ADGRB3: variants seen among roughly 807,000 people sequenced by gnomAD.
The protein encoded by ADGRB3 is adhesion G protein-coupled receptor B3.
ADGRB3 carries 37 observed loss-of-function variants against 193.4 expected under a neutral mutation model. The observed-to-expected ratio is 0.19, with a 90% CI of 0.15 to 0.25. The LOEUF (loss-of-function observed/expected upper bound fraction) is 0.25. Among genes scored for constraint, ADGRB3 ranks in the 10% least tolerant of loss-of-function variants. The pLI is 1.00. For missense variants in ADGRB3, 1,637 were observed against 1,852.9 expected, an observed-to-expected ratio of 0.88 and a Z score of 2.14; for synonymous variants, 690 against 644.2, an observed-to-expected ratio of 1.07 and a Z score of -1.08.
At position 68,868,441 on chromosome 6, in the gene ADGRB3, G is replaced by T. The variant is rs1765364726; in HGVS notation, c.758-62118G>T. 2.0e-5 allele frequency among the ~76,000 whole-genome samples: 3 copies of T among 152,134 alleles called. No individual in the cohort carries two copies. The South Asian group carries it at 6.2e-4, about 31-fold the overall frequency. ...CAATCCCAATCTTCTTTATAGCAAT[G>T]TGAAAATAAAGTAATGTAACATGTT... On this transcript the variant is annotated intron_variant, in intron 3 of 31. Transcript: ENST00000370598.
chr6:69,126,193 A>C (rs1356044195), intron 17 of ADGRB3, among the ~76,000 whole-genome samples: 1 of 146,800 alleles, frequency 6.8e-6, no homozygotes, highest in African/African-American at 2.5e-5. Context: ...GAGAAACAGA[A>C]CCAATAGGAA....
intron 3 of ADGRB3, among the ~76,000 whole-genome samples, chr6:68,733,813 T>C (rs1056224394): frequency 6.6e-6 from 1 of 151,988 alleles, no homozygotes; most frequent in African/African-American, 2.4e-5. Flanking sequence ...AGAATGTACA[T>C]GTAAAATGTA....
chr6:69,226,672 G>C (rs1168018528), intron 17 of ADGRB3, among the ~76,000 whole-genome samples: 7 of 152,196 alleles, frequency 4.6e-5, no homozygotes, highest in Non-Finnish European at 1.0e-4. Flanking sequence ...ATTATTATTT[G>C]ATTTAAATGT....
chr6:69,004,308 T>TA (rs1769675076), intron 11 of ADGRB3, among the ~76,000 whole-genome samples: 1 of 152,156 alleles, frequency 6.6e-6, no homozygotes, highest in South Asian at 2.1e-4. Flanking sequence ...CTTTGGCTTG[T>TA]AGATGGCTGC....
At chr6:68,868,919 G>GTT (rs1765381972) in intron 3 of ADGRB3, among the ~76,000 whole-genome samples, 1 of 148,650 alleles carries the variant, frequency 6.7e-6, no homozygotes, top group Admixed American at 6.7e-5. Flanking sequence ...TGATGTGTGT[G>GTT]TGTGTGTGTG....
intron 8 of ADGRB3, among the ~76,000 whole-genome samples, chr6:68,970,628 A>G (rs1413162652): frequency 6.6e-6 from 1 of 152,144 alleles, no homozygotes; most frequent in East Asian, 1.9e-4. Context: ...CTTATGCACC[A>G]TTGGTTCTTC....
intron 3 of ADGRB3, among the ~76,000 whole-genome samples, chr6:68,907,838 C>T (rs990762411): frequency 1.3e-5 from 2 of 151,872 alleles, no homozygotes; most frequent in Admixed American, 6.6e-5. Context: ...CTAAAACACA[C>T]TAGGTAGCTT....
In ADGRB3 at chr6:68,765,537, GACAC is replaced by G. The variant is rs59919588; in HGVS notation, c.757+126142_757+126145del. On this transcript the variant is annotated intron_variant, in intron 3 of 31. Transcript: ENST00000370598. Reference sequence around the variant, plus strand: ...TTCTTGTCCTGTATATATTCTTATAGACACACACACACACACACACACACACACA... The same window carrying G: ...TTCTTGTCCTGTATATATTCTTATAGACACACACACACACACACACACACA... Among the ~76,000 whole-genome samples, 763 of 143,520 alleles carry G rather than the reference GACAC, an allele frequency of 5.3e-3. 8 individuals are homozygous for G. The highest frequency in any genetic ancestry group is 0.047 in the South Asian group (206 of 4,414). 94.2% of individuals were successfully genotyped at this position (143,520 alleles called of 152,430 possible).
At chr6:68,644,709 A>G (rs997864522) in intron 3 of ADGRB3, among the ~76,000 whole-genome samples, 4 of 152,224 alleles carry the variant, frequency 2.6e-5, no homozygotes, top group African/African-American at 9.6e-5. Context: ...TTGCCATCTT[A>G]GAATTTCACC....
At chr6:69,183,800 T>A (rs890032397) in intron 17 of ADGRB3, among the ~76,000 whole-genome samples, 14 of 152,066 alleles carry the variant, frequency 9.2e-5, no homozygotes, top group African/African-American at 3.4e-4. Context: ...TGAATGTAAA[T>A]TAATTTCATT....
intron 3 of ADGRB3, among the ~76,000 whole-genome samples, chr6:68,875,340 A>G (rs1765569953): frequency 6.8e-6 from 1 of 147,280 alleles, no homozygotes; most frequent in South Asian, 2.2e-4. Context: ...ACTTCCTTTC[A>G]TATAAATACT....
chr6:69,302,008 CT>C (rs1225457491), intron 20 of ADGRB3, among the ~76,000 whole-genome samples: 1 of 151,836 alleles, frequency 6.6e-6, no homozygotes, highest in Non-Finnish European at 1.5e-5. Flanking sequence ...AGAGATTTAG[CT>C]TTAAAAAATG....
rs148522286 is a variant in ADGRB3, at chr6:69,259,001, G to A, written c.2814+19775G>A. On this transcript the variant is annotated intron_variant, in intron 20 of 31. Coordinates refer to ENST00000370598, the MANE Select transcript of ADGRB3 (RefSeq NM_001704.3). ...CTTCTCCTGTGTTGGTCTATTCCAC[G>A]TAATCTTCTACTTACCTCAGTTTTA... Among the ~76,000 whole-genome samples, 286 of 152,234 alleles carry A rather than the reference G, an allele frequency of 1.9e-3. 1 individual carries two copies. The highest frequency in any genetic ancestry group is 3.4e-3 in the Middle Eastern group (1 of 294).
intron 3 of ADGRB3, among the ~76,000 whole-genome samples, chr6:68,876,354 T>C (rs906926274): frequency 3.9e-5 from 6 of 152,098 alleles, no homozygotes; most frequent in African/African-American, 1.4e-4. Context: ...CAGGCTGTGA[T>C]TAATAGACTC....
At chr6:69,261,414 G>A (rs938627572) in intron 20 of ADGRB3, among the ~76,000 whole-genome samples, 1 of 151,944 alleles carries the variant, frequency 6.6e-6, no homozygotes, top group Non-Finnish European at 1.5e-5. Flanking sequence ...GGGAAAATAG[G>A]TTTCACTCCA....
chr6:69,117,689 G>A (rs1053823015), intron 17 of ADGRB3, among the ~76,000 whole-genome samples: 5 of 152,104 alleles, frequency 3.3e-5, no homozygotes, highest in African/African-American at 1.2e-4. Flanking sequence ...AAGGCACCAG[G>A]CTCTAAACCC....
intron 17 of ADGRB3, among the ~76,000 whole-genome samples, chr6:69,098,166 A>G (rs1772938113): frequency 6.6e-6 from 1 of 152,198 alleles, no homozygotes; most frequent in African/African-American, 2.4e-5. Context: ...TCCTGGCTTC[A>G]AGCCATGCTC....
intron 3 of ADGRB3, among the ~76,000 whole-genome samples, chr6:68,879,919 T>C (rs947671052): frequency 6.6e-6 from 1 of 152,192 alleles, no homozygotes; most frequent in Non-Finnish European, 1.5e-5. Flanking sequence ...AAAGCAGATA[T>C]GAGGCTTTCA....
chr6:68,718,093 G>A (rs749344374), intron 3 of ADGRB3, among the ~76,000 whole-genome samples: 5 of 151,658 alleles, frequency 3.3e-5, no homozygotes, highest in Non-Finnish European at 7.4e-5. Flanking sequence ...TTCTAACATT[G>A]TTCAGCCTTT....
Sources: allele counts gnomAD v4.1 joint callset (sites outside exome capture counted in the v4.1 genomes callset), GRCh38; gene constraint gnomAD v4.1.1; transcripts MANE v1.5; gene names NCBI Gene and HGNC (gene_info 2026-07-23, HGNC 2026-07-21).